B3GALT1: variants seen among roughly 807,000 people sequenced by gnomAD.
B3GALT1 encodes UDP-Gal:betaGlcNAc beta 1,3-galactosyltransferase, polypeptide 1.
In B3GALT1, 10 loss-of-function variants were observed where a neutral mutation model predicts 23.2. That is an observed-to-expected ratio of 0.43 (90% CI 0.27 to 0.73). B3GALT1 has a LOEUF of 0.73. Ranked by LOEUF, B3GALT1 falls within the 30% of genes least tolerant of loss-of-function variation. The pLI is 0.21. For synonymous variants in B3GALT1, 156 were observed against 141.5 expected, an observed-to-expected ratio of 1.10 and a Z score of -0.73; for missense variants, 299 against 405.4, an observed-to-expected ratio of 0.74 and a Z score of 2.25.
At chr2:167,666,586 A>G (rs1686194106) in intron 3 of B3GALT1, among the ~76,000 whole-genome samples, 1 of 151,650 alleles carries the variant, frequency 6.6e-6, no homozygotes, top group African/African-American at 2.4e-5. Flanking sequence ...TGGGAGTCTA[A>G]GTCTCTTTGT....
intron 3 of B3GALT1, among the ~76,000 whole-genome samples, chr2:167,781,527 C>T (rs1688244434): frequency 6.6e-6 from 1 of 152,104 alleles, no homozygotes; most frequent in Admixed American, 6.6e-5. Flanking sequence ...GCTTCAGGAA[C>T]CAAAGAGGAA....
chr2:167,697,043 T>C (rs1371222553), intron 3 of B3GALT1, among the ~76,000 whole-genome samples: 1 of 152,210 alleles, frequency 6.6e-6, no homozygotes, highest in African/African-American at 2.4e-5. Flanking sequence ...CCTGTTTCTG[T>C]TGTTCATGCA....
chr2:167,553,230 G>A (rs1683780350), intron 2 of B3GALT1, among the ~76,000 whole-genome samples: 1 of 152,136 alleles, frequency 6.6e-6, no homozygotes, highest in Non-Finnish European at 1.5e-5. Flanking sequence ...GCAAATGAGA[G>A]GAGTATTCTG....
At chr2:167,319,003 T>G (rs1050668995) in intron 1 of B3GALT1, among the ~76,000 whole-genome samples, 1 of 152,174 alleles carries the variant, frequency 6.6e-6, no homozygotes, top group African/African-American at 2.4e-5. Flanking sequence ...CTTCTATTTA[T>G]GTTGTGAAGG....
At chr2:167,488,079 T>G (rs1164563788) in intron 1 of B3GALT1, among the ~76,000 whole-genome samples, 1 of 152,228 alleles carries the variant, frequency 6.6e-6, no homozygotes, top group Non-Finnish European at 1.5e-5. Context: ...AAATTTGACT[T>G]TGAAAAGTAT....
intron 2 of B3GALT1, among the ~76,000 whole-genome samples, chr2:167,563,407 G>T (rs528035476): frequency 7.6e-6 from 1 of 132,384 alleles, no homozygotes; most frequent in Non-Finnish European, 1.6e-5. Flanking sequence ...GCCGGGCGGG[G>T]GGCTGACCCC....
intron 1 of B3GALT1, among the ~76,000 whole-genome samples, chr2:167,448,324 G>T (rs562960948): frequency 6.6e-6 from 1 of 152,224 alleles, no homozygotes; most frequent in South Asian, 2.1e-4. Flanking sequence ...TCTTGCAGGA[G>T]TAAGGTGGTA....
At chr2:167,540,375 A>T (rs1422130631) in intron 2 of B3GALT1, among the ~76,000 whole-genome samples, 1 of 152,104 alleles carries the variant, frequency 6.6e-6, no homozygotes, top group East Asian at 1.9e-4. Flanking sequence ...CCATCCCACA[A>T]CTACTGAATT....
chr2:167,346,746 G>GTGT (rs113525892), intron 1 of B3GALT1, among the ~76,000 whole-genome samples: 128 of 148,968 alleles, frequency 8.6e-4, no homozygotes, highest in African/African-American at 2.1e-3. Flanking sequence ...GTGTGTGTGT[G>GTGT]GGGGGGGGGT....
chr2:167,683,680 C>T (rs1686572088), intron 3 of B3GALT1, among the ~76,000 whole-genome samples: 1 of 152,096 alleles, frequency 6.6e-6, no homozygotes, highest in East Asian at 1.9e-4. Flanking sequence ...GTGATTGTGC[C>T]ACTGCACTCC....
chr2:167,782,431 T>A (rs974206645), intron 3 of B3GALT1, among the ~76,000 whole-genome samples: 1 of 152,220 alleles, frequency 6.6e-6, no homozygotes, highest in Non-Finnish European at 1.5e-5. Flanking sequence ...TGGCATCATC[T>A]AATACACCTC....
At chr2:167,402,509 T>C (rs1014613932) in intron 1 of B3GALT1, among the ~76,000 whole-genome samples, 14 of 152,156 alleles carry the variant, frequency 9.2e-5, no homozygotes, top group African/African-American at 3.4e-4. Context: ...TGCAAGTTAA[T>C]AGCTAAATAT....
At chr2:167,324,331 T>G (rs1696858848) in intron 1 of B3GALT1, among the ~76,000 whole-genome samples, 1 of 152,080 alleles carries the variant, frequency 6.6e-6, no homozygotes, top group African/African-American at 2.4e-5. Context: ...AAAATCTGTA[T>G]CTTTGAAATT....
intron 2 of B3GALT1, among the ~76,000 whole-genome samples, chr2:167,534,354 T>C (rs1683380593): frequency 6.6e-6 from 1 of 152,168 alleles, no homozygotes; most frequent in Non-Finnish European, 1.5e-5. Context: ...AATTTCTTCA[T>C]ATCTGTTATC....
intron 3 of B3GALT1, among the ~76,000 whole-genome samples, chr2:167,813,935 G>A (rs1008826919): frequency 6.6e-6 from 1 of 152,040 alleles, no homozygotes; most frequent in South Asian, 2.1e-4. Flanking sequence ...AAATTCTTTG[G>A]TTGAATTCTT....
chr2:167,472,674 C>T (rs1418412980), intron 1 of B3GALT1, among the ~76,000 whole-genome samples: 2 of 152,072 alleles, frequency 1.3e-5, no homozygotes, highest in Non-Finnish European at 2.9e-5. Flanking sequence ...CTGAATGTTC[C>T]GTGCTCTTCC....
chr2:167,825,175 T>C (rs1689189485), intron 4 of B3GALT1, among the ~76,000 whole-genome samples: 1 of 150,172 alleles, frequency 6.7e-6, no homozygotes, highest in African/African-American at 2.5e-5. Context: ...GTCCAGCTGC[T>C]CAGGAGGCTG....
At chr2:167,477,215 A>G (rs1386329690) in intron 1 of B3GALT1, among the ~76,000 whole-genome samples, 1 of 152,178 alleles carries the variant, frequency 6.6e-6, no homozygotes, top group Non-Finnish European at 1.5e-5. Flanking sequence ...CTTTTGGACA[A>G]AAGGGAAGAA....
At chr2:167,439,776 A>G (rs2105312052) in intron 1 of B3GALT1, among the ~76,000 whole-genome samples, 1 of 152,054 alleles carries the variant, frequency 6.6e-6, no homozygotes, top group African/African-American at 2.4e-5. Flanking sequence ...CATTTAGCAA[A>G]TGTTTATCTA....
Sources: gnomAD v4.1 joint callset for allele counts (sites outside exome capture counted in the v4.1 genomes callset) on GRCh38, gnomAD v4.1.1 for gene constraint, MANE v1.5 for transcripts, NCBI Gene and HGNC (gene_info 2026-07-23, HGNC 2026-07-21) for gene names.